Variants in CDON observed in about 807,000 individuals in gnomAD.
CDON encodes the protein cell adhesion associated, oncogene regulated.
In CDON, 73 loss-of-function variants were observed where a neutral mutation model predicts 120.9. That is an observed-to-expected ratio of 0.60 (90% CI 0.50 to 0.73). CDON has a LOEUF of 0.73. Among genes scored for constraint, CDON ranks in the 30% least tolerant of loss-of-function variants. The probability of loss-of-function intolerance (pLI) is 0.00; values close to 1 mark genes in which losing one functional copy is unlikely to be tolerated. For missense variants in CDON, 1,470 were observed against 1,587.3 expected (o/e 0.93, Z 1.26); for synonymous variants, 566 against 573.5 (o/e 0.99, Z 0.19).
intron 17 of CDON, among the ~76,000 whole-genome samples, chr11:125,980,430 C>A (rs1450096344): frequency 1.3e-5 from 2 of 152,164 alleles, no homozygotes; most frequent in African/African-American, 4.8e-5. Context: ...AAGTCACAAC[C>A]CGGTGGCCTG....
At chr11:126,054,174 T>C (rs1382993705) in intron 1 of CDON, among the ~76,000 whole-genome samples, 4 of 152,194 alleles carry the variant, frequency 2.6e-5, no homozygotes, top group Admixed American at 2.0e-4. Context: ...TAATTACTTT[T>C]ATTCTGATAC....
At chr11:125,978,952 G>T (rs1356994239) in intron 17 of CDON, among the ~76,000 whole-genome samples, 1 of 152,126 alleles carries the variant, frequency 6.6e-6, no homozygotes, top group Admixed American at 6.5e-5. Flanking sequence ...CTTGGAGGGG[G>T]TGTGTTAATA....
At chr11:125,961,359 TGAAA>T (rs1214621580) in intron 19 of CDON, among the ~76,000 whole-genome samples, 8 of 152,154 alleles carry the variant, frequency 5.3e-5, no homozygotes, top group Admixed American at 6.5e-5. Flanking sequence ...AATAACCACC[TGAAA>T]GAAAGGTTAC....
At chr11:125,961,567 C>T (rs894932374) in intron 19 of CDON, 157 bp downstream of exon 19, 3 of 868,462 alleles carry the variant, frequency 3.5e-6, no homozygotes, top group African/African-American at 3.4e-5. Context: ...ATCTTGAGTC[C>T]TATCTTTTCC....
chr11:126,011,609 T>A (rs532643961), intron 7 of CDON, among the ~76,000 whole-genome samples: 1 of 152,384 alleles, frequency 6.6e-6, no homozygotes, highest in African/African-American at 2.4e-5. Flanking sequence ...TCTCTGTATA[T>A]ACTAGATTCT....
intron 1 of CDON, among the ~76,000 whole-genome samples, chr11:126,047,508 A>C (rs543231904): frequency 1.3e-5 from 2 of 152,288 alleles, no homozygotes; most frequent in East Asian, 3.9e-4. Context: ...CCACAATAAG[A>C]TCACATTTTG....
chr11:125,963,987 T>A (rs546015463), intron 18 of CDON, among the ~76,000 whole-genome samples: 1 of 152,328 alleles, frequency 6.6e-6, no homozygotes, highest in East Asian at 1.9e-4. Context: ...TTGTCTATTT[T>A]ATTCAACCCT....
In CDON at chr11:126,035,731, C is replaced by T. The variant is rs147585201; in HGVS notation, c.-61-12194G>A. Among the ~76,000 whole-genome samples the T allele has an allele frequency of 3.1e-4, 47 of 152,200 alleles. 1 individual carries two copies. The highest frequency in any genetic ancestry group is 1.1e-3 in the African/African-American group (46 of 41,514). ...CACCCTTGAAAACTCAAAATCAGTG[C>T]CAGGCAGTTAAAACCAAAGTAACCA... On this transcript the variant is annotated intron_variant, in intron 1 of 19. Transcript: ENST00000531738.
chr11:125,986,102 G>A (rs928597507), intron 15 of CDON, among the ~76,000 whole-genome samples: 1 of 152,218 alleles, frequency 6.6e-6, no homozygotes, highest in African/African-American at 2.4e-5. Context: ...TTAAGAAAAT[G>A]TGGCACATAT....
At chr11:126,011,432 G>C (rs1947299653) in intron 7 of CDON, among the ~76,000 whole-genome samples, 1 of 152,172 alleles carries the variant, frequency 6.6e-6, no homozygotes, top group Admixed American at 6.5e-5. Context: ...CCAAGCTACT[G>C]AGTGTAAAAT....
chr11:125,998,086 G>A (rs549479365), intron 11 of CDON, among the ~76,000 whole-genome samples: 1 of 152,276 alleles, frequency 6.6e-6, no homozygotes, highest in African/African-American at 2.4e-5. Context: ...CAGGGAGCTA[G>A]GGTCTAGCAG....
chr11:126,010,703 A>G lies in CDON; in HGVS notation c.1199-9T>C. 4 of 1,607,468 alleles carry G rather than the reference A, an allele frequency of 2.5e-6. No individual in the cohort carries two copies. The highest frequency in any genetic ancestry group is 3.4e-6 in the Non-Finnish European group (4 of 1,174,172). On this transcript the variant is annotated splice_polypyrimidine_tract_variant and intron_variant, in intron 7 of 19. Transcript: ENST00000531738. ...TGGCTTGAATCCACCGTCTATTAAA[A>G]AAGTAATTCACATATGAAAAATGAA...
At chr11:125,970,505 C>G (rs1945949361) in intron 18 of CDON, among the ~76,000 whole-genome samples, 1 of 152,082 alleles carries the variant, frequency 6.6e-6, no homozygotes, top group Non-Finnish European at 1.5e-5. Context: ...CTCACCTCTG[C>G]TGTTTCCACT....
At chr11:126,005,347 A>T in intron 9 of CDON, 1 of 200,308 alleles carries the variant, frequency 5.0e-6, no homozygotes, top group South Asian at 8.9e-5. Context: ...AAAACTTGAA[A>T]TGCAAACAAT....
intron 8 of CDON, 101 bp from the exon 9 acceptor site, chr11:126,006,158 A>G: frequency 4.7e-6 from 5 of 1,071,672 alleles, no homozygotes; most frequent in Non-Finnish European, 7.1e-6. Flanking sequence ...TGTTAGCACA[A>G]TTTGAGCCCC....
intron 18 of CDON, among the ~76,000 whole-genome samples, chr11:125,971,111 C>T (rs892755235): frequency 5.9e-5 from 9 of 152,080 alleles, no homozygotes; most frequent in Admixed American, 3.3e-4. Flanking sequence ...TAACGTTCTC[C>T]GGTGGCTCAC....
chr11:125,999,994 G>A (rs759316031), intron 11 of CDON, among the ~76,000 whole-genome samples: 4 of 152,188 alleles, frequency 2.6e-5, no homozygotes, highest in South Asian at 2.1e-4. Flanking sequence ...TGTCTGTATC[G>A]TCGTTCTCCT....
intron 18 of CDON, among the ~76,000 whole-genome samples, chr11:125,962,386 G>A (rs754845530): frequency 9.9e-5 from 15 of 152,184 alleles, no homozygotes; most frequent in Non-Finnish European, 1.8e-4. Context: ...GAGGAGGACA[G>A]GAAGCTAAGA....
At chr11:126,012,034 GTCTA>G (rs1465067686) in intron 7 of CDON, among the ~76,000 whole-genome samples, 1 of 152,148 alleles carries the variant, frequency 6.6e-6, no homozygotes, top group Non-Finnish European at 1.5e-5. Context: ...TGTTCCAAGA[GTCTA>G]TCTGTTTCTG....
Sources: allele counts gnomAD v4.1 joint callset (sites outside exome capture counted in the v4.1 genomes callset), GRCh38; gene constraint gnomAD v4.1.1; transcripts MANE v1.5; gene names NCBI Gene and HGNC (gene_info 2026-07-23, HGNC 2026-07-21).